GNMT: variants seen among roughly 807,000 people sequenced by gnomAD.
The protein encoded by GNMT is epididymis secretory sperm binding protein Li 182mP.
GNMT carries 26 observed loss-of-function variants against 30.2 expected under a neutral mutation model. The ratio of observed to expected loss-of-function variants is 0.86; its 90% CI spans 0.63 to 1.19. The LOEUF is 1.19. GNMT is among the 50% of genes most tolerant of loss of function. The probability of loss-of-function intolerance (pLI) is 0.00; values close to 1 mark genes in which losing one functional copy is unlikely to be tolerated. For synonymous variants in GNMT, 163 were observed against 163.8 expected (o/e 1.00, Z 0.04); for missense variants, 365 against 398.1 (o/e 0.92, Z 0.71).
rs1161372249 is a variant in GNMT at position 42,962,958 on chromosome 6, AAAG to A, written c.451+81_451+83del. 1.3e-5 allele frequency: 20 copies of A among 1,581,960 alleles called. No individual in the cohort carries two copies. The African/African-American group carries it at 2.3e-4, about 18-fold the overall frequency. On this transcript the variant is annotated intron_variant, in intron 3 of 5. Coordinates refer to ENST00000372808, the MANE Select transcript of GNMT (RefSeq NM_018960.6). ...GACATCTGGCACCTGCTCTCCTGCC[AAAG>A]CAGACTCTCTGCCTTGGCTCTGGCA... is the stretch of plus-strand genomic sequence containing the variant.
rs745443121 is a variant in GNMT at position 42,963,226 on chromosome 6, T to TGGGGTGGGGGTG, written c.594+34_594+45dup. 49 of 435,532 alleles carry TGGGGTGGGGGTG rather than the reference T, an allele frequency of 1.1e-4. No individual in the cohort carries two copies. Among genetic ancestry groups the TGGGGTGGGGGTG allele is most frequent in the South Asian group, 4.0e-4 (10 of 25,036 alleles). 27.0% of individuals were successfully genotyped at this position (435,532 alleles called of 1,614,324 possible). ...ACATCTACTATAAGGTGGGGCCCTC[T>TGGGGTGGGGGTG]GGGGTGGGGGTGGGGGTGGGGGTGG... On this transcript the variant is annotated intron_variant, in intron 4 of 5. Coordinates refer to ENST00000372808, the MANE Select transcript of GNMT (RefSeq NM_018960.6).
chr6:42,963,874 T>C lies in GNMT; in HGVS notation c.*168T>C. 1.5e-6 allele frequency: 1 copy of C among 659,964 alleles called. No homozygotes were observed. Among genetic ancestry groups the C allele is most frequent in the South Asian group, 1.6e-5 (1 of 63,938 alleles). 40.9% of individuals were successfully genotyped at this position (659,964 alleles called of 1,614,324 possible). A position where few individuals can be genotyped will look rare whatever the true frequency, so the allele number is the denominator to read the frequency against. ...GGTAAACAATATAGTCTTTTTCAGT[T>C]CCTGCATGCATTGTGTTTATTTATG... On this transcript the variant is annotated 3_prime_UTR_variant, in exon 6 of 6. Coordinates refer to ENST00000372808, the MANE Select transcript of GNMT (RefSeq NM_018960.6).
intron 1 of GNMT, 41 bp from the exon 2 acceptor site, chr6:42,962,171 C>A: frequency 6.2e-7 from 1 of 1,613,746 alleles, no homozygotes; most frequent in South Asian, 1.1e-5. Context: ...CCAGGCTCCC[C>A]TAACTGCCTC....
Position 42,962,314 on chromosome 6 carries a change from G to A in GNMT, c.309G>A (p.Arg103=). The stretch of plus-strand genomic sequence containing the variant: ...CACTTAAGGAGCGCTGGAACCGGCG[G>A]CACGAGCCCGCCTTCGACAAGTGGG... The part of the protein sequence containing the change: ...KYALKERWNR[R]HEPAFDKWVI... Residue 103 remains arginine, a synonymous_variant, in exon 2 of 6, where the codon CGG becomes CGA. Coordinates refer to ENST00000372808, the MANE Select transcript of GNMT (RefSeq NM_018960.6). The A allele has an allele frequency of 6.2e-7, 1 of 1,614,152 alleles. No individual in the cohort carries two copies. Among genetic ancestry groups the A allele is most frequent in the African/African-American group, 1.3e-5 (1 of 75,042 alleles).
At position 42,962,817 on chromosome 6, in the gene GNMT, G is replaced by A. The variant is rs370454543; in HGVS notation, c.390G>A (p.Glu130=). 2.6e-5 allele frequency: 42 copies of A among 1,614,100 alleles called. No individual in the cohort carries two copies. The African/African-American group carries it at 5.5e-4, about 21-fold the overall frequency. The change falls in exon 3 of 6, where the codon GAG becomes GAA. Residue 130 remains glutamate, a synonymous_variant. Transcript: ENST00000372808. ...ACAAAGATGTGCCCCAGTCAGCAGA[G>A]GGTGGCTTTGATGCTGTCATCTGCC... ...TLDKDVPQSA[E]GGFDAVICLG...
intron 2 of GNMT, 122 bp from the exon 3 acceptor site, chr6:42,962,640 C>G: frequency 1.2e-6 from 1 of 830,562 alleles, no homozygotes; most frequent in East Asian, 2.4e-5. Flanking sequence ...TCTCCTCCCC[C>G]TAACTGAACG....
At chr6:42,962,711 T>A in intron 2 of GNMT, 51 bp from the exon 3 acceptor site, 1 of 1,261,544 alleles carries the variant, frequency 7.9e-7, no homozygotes. Flanking sequence ...AGGTGGCTGC[T>A]ACTGGTACCA....
intron 4 of GNMT, 52 bp from the exon 5 acceptor site, chr6:42,963,276 T>C (rs1769529891): frequency 6.4e-7 from 1 of 1,553,410 alleles, no homozygotes; most frequent in South Asian, 1.2e-5. Context: ...GAGGGTCCAG[T>C]GGCCCCAAGG....
In GNMT at chr6:42,962,912, G is replaced by A. The variant is rs537470135; in HGVS notation, c.451+34G>A. ...GGGTGTGGCCTTGGGCATGGCCCCC[G>A]CCTTGAGGCCCCCTTCCACAGACAT... is the stretch of plus-strand genomic sequence containing the variant. On this transcript the variant is annotated intron_variant, in intron 3 of 5. Coordinates refer to ENST00000372808, the MANE Select transcript of GNMT (RefSeq NM_018960.6). 47 of 1,580,364 alleles carry A rather than the reference G, an allele frequency of 3.0e-5. 1 individual carries two copies. In the South Asian group the frequency reaches 3.9e-4, roughly 13 times the overall value.
intron 4 of GNMT, 39 bp downstream of exon 4, chr6:42,963,253 G>A: frequency 2.1e-6 from 3 of 1,411,842 alleles, no homozygotes; most frequent in Non-Finnish European, 2.9e-6. Context: ...TGGGGGTGGG[G>A]GTGGGGTGGA....
chr6:42,963,512 G>A (rs763295277), intron 5 of GNMT, 23 bp from the exon 6 acceptor site: 11 of 1,613,824 alleles, frequency 6.8e-6, no homozygotes, highest in Non-Finnish European at 5.9e-6. Context: ...CAGTCCTCAT[G>A]GTTGCTGGGG....
intron 3 of GNMT, 65 bp from the exon 4 acceptor site, chr6:42,963,006 TG>T: frequency 6.3e-7 from 1 of 1,590,850 alleles, no homozygotes; most frequent in Non-Finnish European, 8.6e-7. Context: ...AGGGGAGAGA[TG>T]GGAGGGAGAC....
intron 2 of GNMT, 113 bp from the exon 3 acceptor site, chr6:42,962,649 C>A (rs561305071): frequency 9.5e-6 from 8 of 842,992 alleles, no homozygotes; most frequent in Non-Finnish European, 1.5e-5. Context: ...CCTAACTGAA[C>A]GGGGAGCTTG....
rs1363927711 is a variant in GNMT, at chr6:42,963,208, C to T, written c.588C>T (p.Tyr196=). ...TGCAPPGKNI[Y]YKSDLTKDVT... ...GTGCACCCCCAGGGAAGAACATCTA[C>T]TATAAGGTGGGGCCCTCTGGGGTGG... is the stretch of plus-strand genomic sequence containing the variant. The change falls in exon 4 of 6, where the codon TAC becomes TAT. Residue 196 remains tyrosine, a synonymous_variant. Coordinates refer to ENST00000372808, the MANE Select transcript of GNMT (RefSeq NM_018960.6). 2 of 1,563,086 alleles carry T rather than the reference C, an allele frequency of 1.3e-6. No homozygotes were observed. The highest frequency in any genetic ancestry group is 3.2e-5 in the African/African-American group (2 of 62,312).
At chr6:42,961,550 C>CTTT (rs575786265) in intron 1 of GNMT, among the ~76,000 whole-genome samples, 64 of 130,626 alleles carry the variant, frequency 4.9e-4, no homozygotes, top group African/African-American at 1.2e-3. Context: ...CTATTTTTCT[C>CTTT]TTTTTTTTTT....
chr6:42,962,226 T>G lies in GNMT; in HGVS notation c.221T>G (p.Met74Arg), dbSNP rs1769435424. 6.2e-7 allele frequency: 1 copy of G among 1,614,168 alleles called. No homozygotes were observed. The highest frequency in any genetic ancestry group is 8.5e-7 in the Non-Finnish European group (1 of 1,180,024). ...VACGTGVDSIMLVEEGFSVTS... is the reference protein window; with the variant it reads ...VACGTGVDSIRLVEEGFSVTS... ...GCCGTACTCAGGGTGGACTCCATTATGCTGGTGGAAGAGGGCTTCAGTGTG... is the reference window on the plus strand; with the variant it reads ...GCCGTACTCAGGGTGGACTCCATTAGGCTGGTGGAAGAGGGCTTCAGTGTG... Residue 74 changes from methionine to arginine, a missense_variant, in exon 2 of 6, where the codon ATG becomes AGG. Physicochemically the swap from Met to Arg is moderately conservative, Grantham distance 91. Transcript: ENST00000372808.
chr6:42,962,909 C>T (rs2114229824), intron 3 of GNMT, 31 bp downstream of exon 3: 1 of 1,588,850 alleles, frequency 6.3e-7, no homozygotes, highest in Non-Finnish European at 8.6e-7. Context: ...GGGCATGGCC[C>T]CCGCCTTGAG....
chr6:42,963,269 G>C, intron 4 of GNMT, 55 bp downstream of exon 4: 1 of 1,549,902 alleles, frequency 6.5e-7, no homozygotes, highest in Non-Finnish European at 8.7e-7. Context: ...GTGGAGGGAG[G>C]GTCCAGTGGC....
rs759573326 is a variant in GNMT, at chr6:42,962,335, G to A, written c.330G>A (p.Lys110=). Reference sequence around the variant, plus strand: ...GGCGGCACGAGCCCGCCTTCGACAAGTGGGGTATGCAGGTCTAGCCAGGCT... The same window carrying A: ...GGCGGCACGAGCCCGCCTTCGACAAATGGGGTATGCAGGTCTAGCCAGGCT... ...WNRRHEPAFD[K]WVIEEANWMT... is the part of the protein sequence containing the mutation. The change falls in exon 2 of 6, where the codon AAG becomes AAA. Residue 110 remains lysine (K), a synonymous_variant. Coordinates refer to ENST00000372808, the MANE Select transcript of GNMT (RefSeq NM_018960.6). The A allele has an allele frequency of 1.2e-6, 2 of 1,614,140 alleles. No homozygotes were observed. Among genetic ancestry groups the A allele is most frequent in the Non-Finnish European group, 1.7e-6 (2 of 1,180,036 alleles).
Sources: allele counts gnomAD v4.1 joint callset (sites outside exome capture counted in the v4.1 genomes callset), GRCh38; gene constraint gnomAD v4.1.1; transcripts MANE v1.5; gene names NCBI Gene and HGNC (gene_info 2026-07-23, HGNC 2026-07-21).